LSM8: variants seen among roughly 807,000 people sequenced by gnomAD.
The protein encoded by LSM8 is LSM8 U6 small nuclear RNA associated.
Under a neutral mutation model 15.0 loss-of-function variants are expected in LSM8, and 14 were observed. The observed-to-expected ratio is 0.93, with a 90% CI of 0.62 to 1.46. The LOEUF (loss-of-function observed/expected upper bound fraction) is 1.46. Ranked by LOEUF, LSM8 falls within the 40% of genes most tolerant of loss-of-function variation. LSM8 has a pLI of 0.00. For synonymous variants in LSM8, 50 were observed against 42.1 expected, an observed-to-expected ratio of 1.19 and a Z score of -0.73; for missense variants, 90 against 115.4, an observed-to-expected ratio of 0.78 and a Z score of 1.01.
At chr7:118,191,814 G>A in intron 3 of LSM8, 98 bp from the exon 4 acceptor site, 1 of 855,410 alleles carries the variant, frequency 1.2e-6, no homozygotes. Flanking sequence ...TTATTTTTTG[G>A]AAGAATGGTA....
rs1809011521 is a variant in LSM8 at position 118,193,045 on chromosome 7, A to ATCC, written c.*1043_*1044insTCC. On this transcript the variant is annotated 3_prime_UTR_variant, in exon 4 of 4. Transcript: ENST00000249299. The stretch of plus-strand genomic sequence containing the variant: ...CATAGAAAAATATTTACATCCTTGT[A>ATCC]ATTGAAACAAATTTAAATAGTTTAT... Among the ~76,000 whole-genome samples, 36 of 152,266 alleles carry ATCC rather than the reference A, an allele frequency of 2.4e-4. No homozygotes were observed. Among genetic ancestry groups the ATCC allele is most frequent in the Admixed American group, 2.3e-3 (35 of 15,296 alleles).
rs1809133511 is a variant in LSM8, at chr7:118,199,379, G to A, written c.*7377G>A. Among the ~76,000 whole-genome samples, 1 of 152,096 alleles carries A rather than the reference G, an allele frequency of 6.6e-6. No individual in the cohort carries two copies. The highest frequency in any genetic ancestry group is 1.5e-5 in the Non-Finnish European group (1 of 68,016). The stretch of plus-strand genomic sequence containing the variant: ...GGATTAAAAATCTAAGACGTTTAAG[G>A]GAACATGAATTTGGATGCATTGAAC... On this transcript the variant is annotated 3_prime_UTR_variant, in exon 4 of 4. Coordinates refer to ENST00000249299, the MANE Select transcript of LSM8 (RefSeq NM_016200.5).
Position 118,192,119 on chromosome 7 carries a change from T to C in LSM8, c.*117T>C. 1 of 555,918 alleles carries C rather than the reference T, an allele frequency of 1.8e-6. No homozygotes were observed. Among genetic ancestry groups the C allele is most frequent in the Non-Finnish European group, 2.9e-6 (1 of 349,376 alleles). The allele number at this position is 555,918 out of a possible 1,614,324, so 34.4% of individuals were successfully genotyped here. ...GGATTTTGACTCCTTATTGATTCATTGTAATATGTAAATTAAAATATTTCT... is the reference window on the plus strand; with the variant it reads ...GGATTTTGACTCCTTATTGATTCATCGTAATATGTAAATTAAAATATTTCT... On this transcript the variant is annotated 3_prime_UTR_variant, in exon 4 of 4. Transcript: ENST00000249299.
At position 118,191,951 on chromosome 7, in the gene LSM8, G is replaced by T. The variant is rs190126936; in HGVS notation, c.240G>T (p.Ala80=). 1.9e-6 allele frequency: 3 copies of T among 1,613,074 alleles called. No individual in the cohort carries two copies. The highest frequency in any genetic ancestry group is 2.5e-6 in the Non-Finnish European group (3 of 1,179,540). ...AAATCGATGAAGAAACAGATTCTGC[G>T]CTTGATTTGGGGAATATTCGAGCAG... ...IGEIDEETDS[A]LDLGNIRAEP... is the part of the protein sequence containing the mutation. The change falls in exon 4 of 4, where the codon GCG becomes GCT. Residue 80 remains alanine (A), a synonymous_variant. Coordinates refer to ENST00000249299, the MANE Select transcript of LSM8 (RefSeq NM_016200.5).
In LSM8 at chr7:118,184,216, C is replaced by T. The variant is rs1199186246; in HGVS notation, c.-8C>T. On this transcript the variant is annotated 5_prime_UTR_variant, in exon 1 of 4. Coordinates refer to ENST00000249299, the MANE Select transcript of LSM8 (RefSeq NM_016200.5). Reference sequence around the variant, plus strand: ...GCTGCGTTACCCGGAACCGCCGGGCCGAACAGCATGACGTCCGCTTTGGAG... The same window carrying T: ...GCTGCGTTACCCGGAACCGCCGGGCTGAACAGCATGACGTCCGCTTTGGAG... 1.9e-6 allele frequency: 3 copies of T among 1,541,920 alleles called. No individual in the cohort carries two copies. The highest frequency in any genetic ancestry group is 2.6e-6 in the Non-Finnish European group (3 of 1,142,494).
intron 3 of LSM8, 176 bp from the exon 4 acceptor site, chr7:118,191,736 C>T: frequency 1.9e-6 from 1 of 531,926 alleles, no homozygotes; most frequent in Admixed American, 3.6e-5. Flanking sequence ...CTTAAATATG[C>T]AGTTCACTGA....
Position 118,185,469 on chromosome 7 carries a change from T to G in LSM8, c.32-185T>G, listed in dbSNP as rs1043010591. On this transcript the variant is annotated intron_variant, in intron 1 of 3. Coordinates refer to ENST00000249299, the MANE Select transcript of LSM8 (RefSeq NM_016200.5). ...CTGTGTTGCCCAAGCTGGTCTCACC[T>G]CAAGTGATCCTCCTGCCTTGGCGTC... 5.2e-6 allele frequency: 3 copies of G among 581,784 alleles called. No homozygotes were observed. In the African/African-American group the frequency reaches 5.6e-5, roughly 11 times the overall value. 36.0% of individuals were successfully genotyped at this position (581,784 alleles called of 1,614,324 possible).
chr7:118,203,534 G>T lies in LSM8; in HGVS notation c.*11532G>T, dbSNP rs1191805230. On this transcript the variant is annotated 3_prime_UTR_variant, in exon 4 of 4. Transcript: ENST00000249299. ...AAAATCAAGTAAATAGGATAATTGA[G>T]TTTCAATGGGCAAGAATTTTTATAT... Among the ~76,000 whole-genome samples the T allele has an allele frequency of 2.0e-5, 3 of 151,730 alleles. No individual in the cohort carries two copies. Among genetic ancestry groups the T allele is most frequent in the Non-Finnish European group, 4.4e-5 (3 of 67,776 alleles).
rs1197944848 is a variant in LSM8, at chr7:118,201,420, T to G, written c.*9418T>G. Among the ~76,000 whole-genome samples the G allele has an allele frequency of 6.6e-6, 1 of 152,080 alleles. No individual in the cohort carries two copies. Among genetic ancestry groups the G allele is most frequent in the East Asian group, 1.9e-4 (1 of 5,190 alleles). On this transcript the variant is annotated 3_prime_UTR_variant, in exon 4 of 4. Transcript: ENST00000249299. ...TCATTTCAGCACCTGGATCCAGCGA[T>G]GCCTAAAGATGTGACTCCTAGACTT...
Position 118,192,868 on chromosome 7 carries a change from T to TA in LSM8, c.*867dup, listed in dbSNP as rs1809007999. 6.6e-6 allele frequency: 1 copy of TA among 152,160 alleles called. No individual in the cohort carries two copies. Among genetic ancestry groups the TA allele is most frequent in the Non-Finnish European group, 1.5e-5 (1 of 67,990 alleles). The allele number at this position is 152,160 out of a possible 1,614,324, so 9.4% of individuals were successfully genotyped here. ...TTGTCAGCAATTTTCCATGATTCAT[T>TA]ATCCATAAACCTGATTTCAGAAGAC... On this transcript the variant is annotated 3_prime_UTR_variant, in exon 4 of 4. Transcript: ENST00000249299.
intron 1 of LSM8, chr7:118,185,129 A>G (rs939913654): frequency 1.3e-5 from 2 of 152,236 alleles, no homozygotes; most frequent in East Asian, 3.8e-4. Flanking sequence ...GAAAAGTGTC[A>G]AAAATCCAGG....
At chr7:118,185,907 A>G (rs113508525) in intron 2 of LSM8, among the ~76,000 whole-genome samples, 2,811 of 152,244 alleles carry the variant, frequency 0.018, 44 homozygotes, top group East Asian at 0.077. Context: ...AGCTAGAATA[A>G]TAGATTCTGC....
Position 118,185,693 on chromosome 7 carries a change from T to A in LSM8, c.71T>A (p.Val24Glu). The A allele has an allele frequency of 6.2e-7, 1 of 1,609,730 alleles. No homozygotes were observed. Among genetic ancestry groups the A allele is most frequent in the South Asian group, 1.1e-5 (1 of 90,534 alleles). The change falls in exon 2 of 4, where the codon GTG (valine) becomes GAG (glutamate). Residue 24 changes from valine to glutamate, a missense_variant and splice_region_variant. Physicochemically the swap from Val to Glu is moderately radical, Grantham distance 121. Coordinates refer to ENST00000249299, the MANE Select transcript of LSM8 (RefSeq NM_016200.5). ...AVITSDGRMI[V>E]GTLKGFDQTI... The stretch of plus-strand genomic sequence containing the variant: ...ATTACATCAGATGGGAGAATGATTG[T>A]GGTAAGTCTTTGGAATTTTCATTCT...
intron 2 of LSM8, among the ~76,000 whole-genome samples, chr7:118,186,236 C>T (rs981121653): frequency 7.2e-5 from 11 of 152,110 alleles, no homozygotes; most frequent in Non-Finnish European, 1.6e-4. Context: ...TAATTTATGT[C>T]ATATAACTAA....
chr7:118,187,286 T>C (rs998442365), intron 2 of LSM8, among the ~76,000 whole-genome samples: 1 of 152,224 alleles, frequency 6.6e-6, no homozygotes, highest in Non-Finnish European at 1.5e-5. Flanking sequence ...TCAAAACCAA[T>C]GTTAGTTGAT....
rs1025667626 is a variant in LSM8 at position 118,193,560 on chromosome 7, G to A, written c.*1558G>A. Among the ~76,000 whole-genome samples the A allele has an allele frequency of 1.8e-4, 27 of 152,076 alleles. No individual in the cohort carries two copies. Among genetic ancestry groups the A allele is most frequent in the African/African-American group, 6.5e-4 (27 of 41,420 alleles). Reference sequence around the variant, plus strand: ...GGCTGTCTCTGGGAGAATTAGAGAAGTTAGCTAGTATTGGCTATTCATAAG... The same window carrying A: ...GGCTGTCTCTGGGAGAATTAGAGAAATTAGCTAGTATTGGCTATTCATAAG... On this transcript the variant is annotated 3_prime_UTR_variant, in exon 4 of 4. Transcript: ENST00000249299.
chr7:118,192,066 T>A lies in LSM8; in HGVS notation c.*64T>A, dbSNP rs1450092185. On this transcript the variant is annotated 3_prime_UTR_variant, in exon 4 of 4. Transcript: ENST00000249299. ...CAGAAACTGATTATTCTGAGGATGA[T>A]ATATGGAGTTTTTATGAGTGTGTCA... 7 of 1,288,234 alleles carry A rather than the reference T, an allele frequency of 5.4e-6. No individual in the cohort carries two copies. Among genetic ancestry groups the A allele is most frequent in the Non-Finnish European group, 7.6e-6 (7 of 919,160 alleles). 79.8% of individuals were successfully genotyped at this position (1,288,234 alleles called of 1,614,324 possible). A position where few individuals can be genotyped will look rare whatever the true frequency, so the allele number is the denominator to read the frequency against.
chr7:118,198,355 T>G lies in LSM8; in HGVS notation c.*6353T>G, dbSNP rs1264316678. ...AATTTTGTATATTAAAACCAAATAT[T>G]CTATGAAGATTGGAAGGATAATTTT... On this transcript the variant is annotated 3_prime_UTR_variant, in exon 4 of 4. Transcript: ENST00000249299. Among the ~76,000 whole-genome samples, 3 of 152,172 alleles carry G rather than the reference T, an allele frequency of 2.0e-5. No individual in the cohort carries two copies. The highest frequency in any genetic ancestry group is 7.2e-5 in the African/African-American group (3 of 41,452).
intron 3 of LSM8, chr7:118,189,064 G>A (rs77371104): frequency 0.069 from 10,446 of 151,802 alleles, 385 homozygotes; most frequent in East Asian, 0.11. Flanking sequence ...GTTCAAGACC[G>A]GCCTCGCCAA....
Sources: allele counts gnomAD v4.1 joint callset (sites outside exome capture counted in the v4.1 genomes callset), GRCh38; gene constraint gnomAD v4.1.1; transcripts MANE v1.5; gene names NCBI Gene and HGNC (gene_info 2026-07-23, HGNC 2026-07-21).